Variants in GALNTL6 observed in about 807,000 individuals in gnomAD.
GALNTL6 encodes the protein polypeptide N-acetylgalactosaminyltransferase-like 6.
A neutral mutation model predicts 73.7 loss-of-function variants in GALNTL6; 46 were observed. The observed-to-expected ratio is 0.62, with a 90% CI of 0.49 to 0.80. GALNTL6 has a LOEUF of 0.80. GALNTL6 is among the 30% of genes least tolerant of loss of function. The pLI, the probability that GALNTL6 is intolerant of heterozygous loss-of-function variation, is 0.00. For synonymous variants in GALNTL6, 259 were observed against 263.7 expected, an observed-to-expected ratio of 0.98 and a Z score of 0.17; for missense variants, 604 against 755.0, an observed-to-expected ratio of 0.80 and a Z score of 2.34.
intron 2 of GALNTL6, among the ~76,000 whole-genome samples, chr4:171,972,351 G>C (rs886632277): frequency 6.6e-6 from 1 of 151,952 alleles, no homozygotes; most frequent in Non-Finnish European, 1.5e-5. Context: ...AATATTAAAT[G>C]ATACTTCTAA....
At chr4:172,646,176 G>A (rs1388136084) in intron 5 of GALNTL6, among the ~76,000 whole-genome samples, 1 of 151,916 alleles carries the variant, frequency 6.6e-6, no homozygotes, top group African/African-American at 2.4e-5. Flanking sequence ...AGATTGTCAG[G>A]TCCATTCTAG....
intron 5 of GALNTL6, among the ~76,000 whole-genome samples, chr4:172,584,988 A>G (rs995714408): frequency 2.0e-5 from 3 of 152,188 alleles, no homozygotes; most frequent in Non-Finnish European, 4.4e-5. Context: ...AAAAGGAGGC[A>G]GTTATGCAAG....
At chr4:172,628,326 T>C (rs530673806) in intron 5 of GALNTL6, among the ~76,000 whole-genome samples, 1 of 152,318 alleles carries the variant, frequency 6.6e-6, no homozygotes, top group South Asian at 2.1e-4. Context: ...TGAGAAAGCA[T>C]ACAAGCATAC....
rs978765996 is a variant in GALNTL6, at chr4:172,184,188, G to A, written c.139-45468G>A. ...AGGGCTGATATGTTTTCTGACAAGG[G>A]CAACAAAGATGATGTCTCCCATTGC... is the stretch of plus-strand genomic sequence containing the variant. On this transcript the variant is annotated intron_variant, in intron 2 of 12. Transcript: ENST00000506823. Among the ~76,000 whole-genome samples the A allele has an allele frequency of 3.3e-5, 5 of 152,194 alleles. No homozygotes were observed. In the South Asian group the frequency reaches 8.3e-4, roughly 25 times the overall value.
chr4:172,952,284 C>T (rs763219487), intron 10 of GALNTL6, 26 bp downstream of exon 10: 21 of 1,550,568 alleles, frequency 1.4e-5, no homozygotes, highest in Non-Finnish European at 1.8e-5. Context: ...CTGAAACCTG[C>T]GCCTACCTAT....
At chr4:172,206,946 T>G (rs1379048164) in intron 2 of GALNTL6, among the ~76,000 whole-genome samples, 6 of 150,918 alleles carry the variant, frequency 4.0e-5, no homozygotes, top group Admixed American at 2.6e-4. Flanking sequence ...GCCTCCCGAG[T>G]AGCTGGGACT....
At position 172,424,896 on chromosome 4, in the gene GALNTL6, G is replaced by T. The variant is rs141017833; in HGVS notation, c.553+76207G>T. On this transcript the variant is annotated intron_variant, in intron 5 of 12. Coordinates refer to ENST00000506823, the MANE Select transcript of GALNTL6 (RefSeq NM_001034845.3). ...TTGTTTTCAATGACTAGAAATTTTAGTCATAGAAAACTATGCAAGTTTGTC... is the reference window on the plus strand; with the variant it reads ...TTGTTTTCAATGACTAGAAATTTTATTCATAGAAAACTATGCAAGTTTGTC... 8.0e-3 allele frequency among the ~76,000 whole-genome samples: 542 copies of T among 67,466 alleles called. 2 individuals carry two copies. The highest frequency in any genetic ancestry group is 0.021 in the African/African-American group (389 of 18,906). The allele number at this position is 67,466 out of a possible 152,430, so 44.3% of individuals were successfully genotyped here. A position where few individuals can be genotyped will look rare whatever the true frequency, so the allele number is the denominator to read the frequency against.
chr4:172,667,227 C>G (rs1731719499), intron 5 of GALNTL6: 1 of 152,214 alleles, frequency 6.6e-6, no homozygotes, highest in Non-Finnish European at 1.5e-5. Context: ...GAAACTATTG[C>G]ACTCTCCTCC....
intron 2 of GALNTL6, among the ~76,000 whole-genome samples, chr4:171,834,785 G>A (rs1315040063): frequency 1.3e-5 from 2 of 151,954 alleles, no homozygotes; most frequent in Non-Finnish European, 2.9e-5. Flanking sequence ...AGAGGCGTAA[G>A]TCAGACATGC....
At chr4:172,583,888 T>C in intron 5 of GALNTL6, among the ~76,000 whole-genome samples, 1 of 119,366 alleles carries the variant, frequency 8.4e-6, no homozygotes, top group Non-Finnish European at 1.6e-5. Flanking sequence ...AGCGAGACTC[T>C]GTCTCAAAAA....
At chr4:173,012,947 G>A (rs1030534679) in intron 11 of GALNTL6, among the ~76,000 whole-genome samples, 12 of 152,128 alleles carry the variant, frequency 7.9e-5, no homozygotes, top group Admixed American at 5.9e-4. Context: ...AGACCAGCCT[G>A]GCTAACATTT....
intron 7 of GALNTL6, among the ~76,000 whole-genome samples, chr4:172,878,954 C>T (rs1413908290): frequency 6.6e-6 from 1 of 151,554 alleles, no homozygotes; most frequent in African/African-American, 2.4e-5. Flanking sequence ...CCAAATAAAG[C>T]TGGAGTGACT....
intron 5 of GALNTL6, among the ~76,000 whole-genome samples, chr4:172,560,471 G>A (rs771366124): frequency 2.0e-5 from 3 of 151,964 alleles, no homozygotes; most frequent in African/African-American, 7.3e-5. Flanking sequence ...CTTGGGTGAC[G>A]AAGTGAGACT....
intron 8 of GALNTL6, among the ~76,000 whole-genome samples, chr4:172,922,440 T>G (rs1264921609): frequency 1.3e-5 from 2 of 152,184 alleles, no homozygotes; most frequent in Non-Finnish European, 2.9e-5. Context: ...GTTCCCACAC[T>G]AATACCTAAA....
intron 2 of GALNTL6, among the ~76,000 whole-genome samples, chr4:172,042,524 C>T (rs1742111700): frequency 6.6e-6 from 1 of 151,908 alleles, no homozygotes. Context: ...TTTTCATATT[C>T]CCTCACAAGC....
intron 2 of GALNTL6, among the ~76,000 whole-genome samples, chr4:171,939,961 C>T (rs549160696): frequency 1.8e-4 from 27 of 152,128 alleles, no homozygotes; most frequent in Non-Finnish European, 3.5e-4. Flanking sequence ...GATGAGGAAG[C>T]TATCAACTTC....
chr4:172,051,579 C>T (rs1730867398), intron 2 of GALNTL6, among the ~76,000 whole-genome samples: 1 of 152,096 alleles, frequency 6.6e-6, no homozygotes, highest in South Asian at 2.1e-4. Context: ...CTCCTTTCAG[C>T]ATTCAGACGT....
intron 5 of GALNTL6, among the ~76,000 whole-genome samples, chr4:172,581,968 A>C (rs1737208373): frequency 6.6e-6 from 1 of 152,146 alleles, no homozygotes; most frequent in African/African-American, 2.4e-5. Context: ...TGATCATATC[A>C]GCGTTTTGTT....
chr4:172,317,451 T>C (rs1740601587), intron 4 of GALNTL6, among the ~76,000 whole-genome samples: 1 of 152,220 alleles, frequency 6.6e-6, no homozygotes, highest in African/African-American at 2.4e-5. Context: ...TTCTTTGTCT[T>C]CTGATAATGA....
Sources: allele counts gnomAD v4.1 joint callset (sites outside exome capture counted in the v4.1 genomes callset), GRCh38; gene constraint gnomAD v4.1.1; transcripts MANE v1.5; gene names NCBI Gene and HGNC (gene_info 2026-07-23, HGNC 2026-07-21).